The following PCBP3 variants were observed in gnomAD, a reference collection of about 807,000 sequenced individuals.
The protein encoded by PCBP3 is poly(rC)-binding protein 3.
PCBP3 carries 25 observed loss-of-function variants against 52.7 expected under a neutral mutation model. The ratio of observed to expected loss-of-function variants is 0.47; its 90% CI spans 0.35 to 0.66. The LOEUF (loss-of-function observed/expected upper bound fraction) is 0.66. Among genes scored for constraint, PCBP3 ranks in the 30% least tolerant of loss-of-function variants. The pLI is 0.01. For missense variants in PCBP3, 391 were observed against 490.3 expected (o/e 0.80, Z 1.91); for synonymous variants, 162 against 183.0 (o/e 0.89, Z 0.93).
chr21:45,924,336 A>G (rs74671097), intron 13 of PCBP3, among the ~76,000 whole-genome samples: 20 of 126,514 alleles, frequency 1.6e-4, no homozygotes, highest in African/African-American at 4.4e-4. Context: ...CACACGTAAG[A>G]TCGGGTGTGC....
rs187773976 is a variant in PCBP3 at position 45,911,035 on chromosome 21, C to T, written c.600+5C>T. 153 of 1,608,432 alleles carry T rather than the reference C, an allele frequency of 9.5e-5. No individual in the cohort carries two copies. In the African/African-American group the frequency reaches 1.8e-3, roughly 19 times the overall value. On this transcript the variant is annotated splice_donor_5th_base_variant and intron_variant, in intron 11 of 17. Transcript: ENST00000681687. ...ATCTGTGTGGTCATGCTGGAGGTAC[C>T]GTCTGCGCGCCAGGGCCAGCCCACG... is the stretch of plus-strand genomic sequence containing the variant.
At chr21:45,811,501 C>G (rs1012238794) in intron 4 of PCBP3, among the ~76,000 whole-genome samples, 1 of 152,276 alleles carries the variant, frequency 6.6e-6, no homozygotes, top group Non-Finnish European at 1.5e-5. Flanking sequence ...CTCGCCATTG[C>G]AAGGCCTGTG....
At chr21:45,790,387 C>A (rs2091459166) in intron 4 of PCBP3, among the ~76,000 whole-genome samples, 1 of 152,158 alleles carries the variant, frequency 6.6e-6, no homozygotes, top group East Asian at 1.9e-4. Context: ...CCAGCACTTG[C>A]ATCGAGGGCA....
chr21:45,804,430 G>A (rs891886285), intron 4 of PCBP3, among the ~76,000 whole-genome samples: 1 of 152,176 alleles, frequency 6.6e-6, no homozygotes, highest in African/African-American at 2.4e-5. Context: ...CAAACCATGT[G>A]AAACAGCACG....
At chr21:45,666,553 T>G (rs2080808332) in intron 1 of PCBP3, among the ~76,000 whole-genome samples, 1 of 152,184 alleles carries the variant, frequency 6.6e-6, no homozygotes, top group Non-Finnish European at 1.5e-5. Flanking sequence ...TAGTGACATA[T>G]TCTCTCAGCT....
At chr21:45,688,043 T>C (rs968874806) in intron 2 of PCBP3, among the ~76,000 whole-genome samples, 1 of 152,202 alleles carries the variant, frequency 6.6e-6, no homozygotes, top group Non-Finnish European at 1.5e-5. Context: ...AGACATTTCA[T>C]AGTGATAAAA....
At chr21:45,695,082 A>G (rs1324185578) in intron 2 of PCBP3, among the ~76,000 whole-genome samples, 1 of 152,218 alleles carries the variant, frequency 6.6e-6, no homozygotes, top group Non-Finnish European at 1.5e-5. Context: ...AGTAATCAGT[A>G]CAGAGCCTTG....
rs190481514 is a variant in PCBP3 at position 45,707,118 on chromosome 21, A to G, written c.-199-28274A>G. Among the ~76,000 whole-genome samples, 125 of 152,302 alleles carry G rather than the reference A, an allele frequency of 8.2e-4. 1 individual carries two copies. Among genetic ancestry groups the G allele is most frequent in the Middle Eastern group, 6.8e-3 (2 of 294 alleles). Reference sequence around the variant, plus strand: ...AAGGAGTAATGCTTTCTACTTGGAAATATTCCCTGATAGAAGCCTTGAAAT... The same window carrying G: ...AAGGAGTAATGCTTTCTACTTGGAAGTATTCCCTGATAGAAGCCTTGAAAT... On this transcript the variant is annotated intron_variant, in intron 2 of 17. Coordinates refer to ENST00000681687, the MANE Select transcript of PCBP3 (RefSeq NM_001384156.1).
At chr21:45,661,367 A>T (rs934666903) in intron 1 of PCBP3, among the ~76,000 whole-genome samples, 1 of 151,966 alleles carries the variant, frequency 6.6e-6, no homozygotes. Flanking sequence ...CCATGTGTAT[A>T]TATTACTTAG....
intron 2 of PCBP3, among the ~76,000 whole-genome samples, chr21:45,681,468 T>C (rs568016537): frequency 2.0e-5 from 3 of 152,322 alleles, no homozygotes; most frequent in Admixed American, 2.0e-4. Flanking sequence ...GGTTACATCC[T>C]GATAAACCCA....
intron 4 of PCBP3, among the ~76,000 whole-genome samples, chr21:45,838,006 T>G (rs1323618605): frequency 6.6e-6 from 1 of 152,266 alleles, no homozygotes; most frequent in Non-Finnish European, 1.5e-5. Flanking sequence ...CCTCATCCAC[T>G]AGGGCTGTTT....
intron 5 of PCBP3, among the ~76,000 whole-genome samples, chr21:45,888,582 C>T (rs907546007): frequency 6.6e-6 from 1 of 152,236 alleles, no homozygotes; most frequent in Non-Finnish European, 1.5e-5. Context: ...GGCCCTGCTC[C>T]ACAGCGACAC....
chr21:45,901,204 AGG>A (rs2096025775), intron 9 of PCBP3, 91 bp downstream of exon 9: 3 of 905,490 alleles, frequency 3.3e-6, no homozygotes, highest in Non-Finnish European at 5.4e-6. Flanking sequence ...CACCTGGACT[AGG>A]GGATGCCCCA....
chr21:45,823,634 A>G (rs1329665723), intron 4 of PCBP3, among the ~76,000 whole-genome samples: 4 of 152,048 alleles, frequency 2.6e-5, no homozygotes, highest in African/African-American at 7.2e-5. Flanking sequence ...GGGTTCCTGC[A>G]GGGCAGCTGT....
intron 15 of PCBP3, among the ~76,000 whole-genome samples, chr21:45,931,712 T>C (rs2076199710): frequency 1.3e-5 from 2 of 152,132 alleles, no homozygotes; most frequent in South Asian, 4.2e-4. Flanking sequence ...TGTCCTGAGA[T>C]GAACAAACAC....
In PCBP3 at chr21:45,843,006, T is replaced by C. The variant is rs1248758275; in HGVS notation, c.-125-6955T>C. Among the ~76,000 whole-genome samples, 6 of 152,170 alleles carry C rather than the reference T, an allele frequency of 3.9e-5. No individual in the cohort carries two copies. The East Asian group carries it at 1.2e-3, about 29-fold the overall frequency. ...GTATCCTTTGGCATTTTTCAGTTGCTTTTCCAGTGCCCTGTCTGAAATATA... is the reference window on the plus strand; with the variant it reads ...GTATCCTTTGGCATTTTTCAGTTGCCTTTCCAGTGCCCTGTCTGAAATATA... On this transcript the variant is annotated intron_variant, in intron 4 of 17. Transcript: ENST00000681687.
At chr21:45,851,329 A>G (rs1160174483) in intron 5 of PCBP3, among the ~76,000 whole-genome samples, 1 of 152,240 alleles carries the variant, frequency 6.6e-6, no homozygotes, top group Non-Finnish European at 1.5e-5. Flanking sequence ...CCTGGCCAAC[A>G]TGGTGAAACC....
rs185181121 is a variant in PCBP3, at chr21:45,788,979, T to C, written c.-126+33527T>C. 3.3e-5 allele frequency among the ~76,000 whole-genome samples: 5 copies of C among 152,328 alleles called. No individual in the cohort carries two copies. Among genetic ancestry groups the C allele is most frequent in the Admixed American group, 3.3e-4 (5 of 15,304 alleles). On this transcript the variant is annotated intron_variant, in intron 4 of 17. Transcript: ENST00000681687. The surrounding 1 kb of genome is among the most constrained non-coding windows in gnomAD (Gnocchi z 4.3). ...AATTGCTGTCCAGATCCAACAGACT[T>C]ATTCAGCCAACAGTAACCAAATACA...
At chr21:45,757,492 G>GGT (rs2088176336) in intron 4 of PCBP3, among the ~76,000 whole-genome samples, 1 of 152,086 alleles carries the variant, frequency 6.6e-6, no homozygotes, top group African/African-American at 2.4e-5. Flanking sequence ...TCATTTTCTT[G>GGT]GTAGTACCTT....
Sources: allele counts gnomAD v4.1 joint callset (sites outside exome capture counted in the v4.1 genomes callset), GRCh38; gene constraint gnomAD v4.1.1; non-coding constraint Gnocchi (gnomAD v3.1); transcripts MANE v1.5; gene names NCBI Gene and HGNC (gene_info 2026-07-23, HGNC 2026-07-21).